The following PLEKHA7 variants were observed in gnomAD, a reference collection of about 807,000 sequenced individuals.
PLEKHA7 encodes the protein pleckstrin homology domain containing A7.
PLEKHA7 carries 104 observed loss-of-function variants against 170.0 expected under a neutral mutation model. That is an observed-to-expected ratio of 0.61 (90% CI 0.52 to 0.72). PLEKHA7 has a LOEUF of 0.72. Among genes scored for constraint, PLEKHA7 ranks in the 30% least tolerant of loss-of-function variants. The probability of loss-of-function intolerance (pLI) is 0.00; values close to 1 mark genes in which losing one functional copy is unlikely to be tolerated. For missense variants in PLEKHA7, 1,615 were observed against 1,671.7 expected (o/e 0.97, Z 0.59); for synonymous variants, 648 against 660.8 (o/e 0.98, Z 0.30).
At chr11:16,841,492 G>A (rs1851953443) in intron 9 of PLEKHA7, 55 bp downstream of exon 9, 1 of 1,566,876 alleles carries the variant, frequency 6.4e-7, no homozygotes, top group South Asian at 1.2e-5. Context: ...GACCTATCTG[G>A]GTCCCAATCC....
At chr11:16,779,913 A>G (rs1421131393) in intron 26 of PLEKHA7, among the ~76,000 whole-genome samples, 9 of 149,184 alleles carry the variant, frequency 6.0e-5, no homozygotes. Context: ...GCACTTAACA[A>G]GCTGCGATTC....
chr11:16,810,647 C>T (rs1234489893), intron 13 of PLEKHA7, among the ~76,000 whole-genome samples: 5 of 152,214 alleles, frequency 3.3e-5, no homozygotes, highest in South Asian at 2.1e-4. Context: ...AACTAGATAA[C>T]GTTCTAATCA....
chr11:16,906,981 C>T (rs1325455516), intron 3 of PLEKHA7, among the ~76,000 whole-genome samples: 3 of 149,962 alleles, frequency 2.0e-5, no homozygotes, highest in South Asian at 2.2e-4. Flanking sequence ...GCCGCCCTGT[C>T]TGAGAAGTGA....
intron 3 of PLEKHA7, among the ~76,000 whole-genome samples, chr11:16,965,461 C>T (rs112480389): frequency 3.9e-5 from 6 of 152,290 alleles, no homozygotes; most frequent in African/African-American, 1.4e-4. Context: ...AACCCACCAC[C>T]CTCATCCCCT....
At chr11:16,825,222 T>C (rs1454265490) in intron 10 of PLEKHA7, among the ~76,000 whole-genome samples, 3 of 152,184 alleles carry the variant, frequency 2.0e-5, no homozygotes, top group Non-Finnish European at 4.4e-5. Context: ...GCTATTCCCC[T>C]AGGAGCACTG....
intron 3 of PLEKHA7, among the ~76,000 whole-genome samples, chr11:16,988,028 A>C (rs1863837357): frequency 6.6e-6 from 1 of 152,210 alleles, no homozygotes; most frequent in African/African-American, 2.4e-5. Context: ...GCACCTGTTA[A>C]TAACCAGTGT....
At chr11:16,918,747 C>G (rs1858872468) in intron 3 of PLEKHA7, among the ~76,000 whole-genome samples, 2 of 152,222 alleles carry the variant, frequency 1.3e-5, no homozygotes, top group Non-Finnish European at 2.9e-5. Flanking sequence ...TCTGCCACAT[C>G]TTGTCCAACC....
intron 3 of PLEKHA7, among the ~76,000 whole-genome samples, chr11:16,922,825 T>C (rs1468590907): frequency 6.6e-6 from 1 of 152,156 alleles, no homozygotes; most frequent in Non-Finnish European, 1.5e-5. Flanking sequence ...GCTAAGGAGC[T>C]GGTGCAGAGG....
At chr11:16,953,752 GT>G (rs1861541002) in intron 3 of PLEKHA7, among the ~76,000 whole-genome samples, 1 of 152,172 alleles carries the variant, frequency 6.6e-6, no homozygotes, top group Non-Finnish European at 1.5e-5. Flanking sequence ...AAAGGGCAGT[GT>G]TTTTCTAGTT....
rs573177568 is a variant in PLEKHA7 at position 16,986,988 on chromosome 11, T to C, written c.221+27001A>G. On this transcript the variant is annotated intron_variant, in intron 3 of 26. Coordinates refer to ENST00000531066, the MANE Select transcript of PLEKHA7 (RefSeq NM_001329630.2). Reference sequence around the variant, plus strand: ...AGCCACATTCTCCAGCCAGTCTTACTGCCCAGCCCAACCCAGCCCAGGGAA... The same window carrying C: ...AGCCACATTCTCCAGCCAGTCTTACCGCCCAGCCCAACCCAGCCCAGGGAA... Among the ~76,000 whole-genome samples, 4 of 152,296 alleles carry C rather than the reference T, an allele frequency of 2.6e-5. No homozygotes were observed. In the East Asian group the frequency reaches 7.7e-4, roughly 29 times the overall value.
At position 16,778,825 on chromosome 11, in the gene PLEKHA7, G is replaced by A; in HGVS notation, c.*173C>T. The A allele has an allele frequency of 1.6e-6, 1 of 636,112 alleles. No individual in the cohort carries two copies. The highest frequency in any genetic ancestry group is 1.8e-5 in the South Asian group (1 of 56,378). 39.4% of individuals were successfully genotyped at this position (636,112 alleles called of 1,614,324 possible). On this transcript the variant is annotated 3_prime_UTR_variant, in exon 27 of 27. Coordinates refer to ENST00000531066, the MANE Select transcript of PLEKHA7 (RefSeq NM_001329630.2). Reference sequence around the variant, plus strand: ...GAGAGGAGTCTGAGCTAAACTAGTGGGTGCATATTAGGGCCTGGCCTGTGG... The same window carrying A: ...GAGAGGAGTCTGAGCTAAACTAGTGAGTGCATATTAGGGCCTGGCCTGTGG...
At chr11:16,896,250 T>C (rs1856984476) in intron 3 of PLEKHA7, among the ~76,000 whole-genome samples, 2 of 152,226 alleles carry the variant, frequency 1.3e-5, no homozygotes, top group African/African-American at 4.8e-5. Context: ...CTAAACTGTT[T>C]CTATTCTTTT....
At chr11:16,979,250 G>A (rs375896991) in intron 3 of PLEKHA7, among the ~76,000 whole-genome samples, 108 of 152,160 alleles carry the variant, frequency 7.1e-4, no homozygotes, top group African/African-American at 2.3e-3. Context: ...GGCTGGTCTC[G>A]AACTCCTAAC....
intron 3 of PLEKHA7, among the ~76,000 whole-genome samples, chr11:16,994,657 T>C (rs1241032085): frequency 4.6e-5 from 7 of 152,116 alleles, no homozygotes; most frequent in South Asian, 2.1e-4. Context: ...TCTTCCAGTG[T>C]CCTAGAACAC....
chr11:16,859,680 A>G (rs955610291), intron 4 of PLEKHA7, among the ~76,000 whole-genome samples: 3 of 152,108 alleles, frequency 2.0e-5, no homozygotes, highest in Non-Finnish European at 4.4e-5. Flanking sequence ...TTTGTCCTCA[A>G]CTCCTCAGAA....
intron 8 of PLEKHA7, among the ~76,000 whole-genome samples, chr11:16,849,289 T>A (rs1395033809): frequency 3.3e-5 from 5 of 152,036 alleles, no homozygotes; most frequent in South Asian, 2.1e-4. Flanking sequence ...AGATAAAAAT[T>A]ATATATATAG....
In PLEKHA7 at chr11:16,929,896, C is replaced by T. The variant is rs182067942; in HGVS notation, c.222-58714G>A. 6.5e-3 allele frequency among the ~76,000 whole-genome samples: 987 copies of T among 152,086 alleles called. 10 individuals carry two copies. Among genetic ancestry groups the T allele is most frequent in the African/African-American group, 0.023 (956 of 41,482 alleles). ...GCGTGTGCCTGTAATCCCAGCTACT[C>T]GGGAGGCTGAGGCAGGAGAATCACT... On this transcript the variant is annotated intron_variant, in intron 3 of 26. Coordinates refer to ENST00000531066, the MANE Select transcript of PLEKHA7 (RefSeq NM_001329630.2).
Position 16,835,449 on chromosome 11 carries a change from G to T in PLEKHA7, c.872+6098C>A, listed in dbSNP as rs557394727. On this transcript the variant is annotated intron_variant, in intron 9 of 26. Transcript: ENST00000531066. ...GAGATGAGTACATCCTGGCAGAGAA[G>T]AGAGTGCAGTTTGTCCATAGGAGAC... Among the ~76,000 whole-genome samples, 164 of 152,312 alleles carry T rather than the reference G, an allele frequency of 1.1e-3. 1 individual carries two copies. The highest frequency in any genetic ancestry group is 2.0e-3 in the Admixed American group (30 of 15,304).
chr11:16,938,141 T>C (rs909942828), intron 3 of PLEKHA7, among the ~76,000 whole-genome samples: 4 of 152,192 alleles, frequency 2.6e-5, no homozygotes, highest in African/African-American at 7.2e-5. Flanking sequence ...CTAGTGTTCA[T>C]GGACCTTCAG....
Sources: allele counts gnomAD v4.1 joint callset (sites outside exome capture counted in the v4.1 genomes callset), GRCh38; gene constraint gnomAD v4.1.1; transcripts MANE v1.5; gene names NCBI Gene and HGNC (gene_info 2026-07-23, HGNC 2026-07-21).